EMC4: variants seen among roughly 807,000 people sequenced by gnomAD.
EMC4 encodes cell proliferation-inducing gene 17 protein.
EMC4 carries 9 observed loss-of-function variants against 24.2 expected under a neutral mutation model. That is an observed-to-expected ratio of 0.37 (90% CI 0.22 to 0.65). The LOEUF (loss-of-function observed/expected upper bound fraction) is 0.65. EMC4 is among the 30% of genes least tolerant of loss of function. The pLI, the probability that EMC4 is intolerant of heterozygous loss-of-function variation, is 0.59. For synonymous variants in EMC4, 86 were observed against 81.1 expected, an observed-to-expected ratio of 1.06 and a Z score of -0.32; for missense variants, 169 against 234.6, an observed-to-expected ratio of 0.72 and a Z score of 1.83.
In EMC4 at chr15:34,228,503, T is replaced by G; in HGVS notation, c.430T>G (p.Leu144Val). 1 of 1,614,116 alleles carries G rather than the reference T, an allele frequency of 6.2e-7. No individual in the cohort carries two copies. The highest frequency in any genetic ancestry group is 8.5e-7 in the Non-Finnish European group (1 of 1,180,020). Residue 144 changes from leucine (L) to valine (V), a missense_variant, in exon 4 of 5, where the codon TTG becomes GTG. Physicochemically the swap from Leu to Val is conservative, Grantham distance 32. Coordinates refer to ENST00000267750, the MANE Select transcript of EMC4 (RefSeq NM_016454.4). ...LVYLIGNLMG[L>V]ALAVYKCQSM... is the part of the protein sequence containing the mutation. ...CTATCTCATTGGGAACCTGATGGGT[T>G]TGGCATTGGCTGTTTACAAGTGCCA... is the stretch of plus-strand genomic sequence containing the variant.
chr15:34,227,233 A>C (rs1890671388), intron 2 of EMC4: 1 of 154,020 alleles, frequency 6.5e-6, no homozygotes, highest in Non-Finnish European at 1.4e-5. Context: ...AGTTGGGTTA[A>C]GTTTGTTAAT....
chr15:34,227,871 C>A (rs187201107), intron 3 of EMC4, 25 bp downstream of exon 3: 3 of 1,606,366 alleles, frequency 1.9e-6, no homozygotes, highest in Non-Finnish European at 2.6e-6. Flanking sequence ...AACAATAACC[C>A]TTCCATAAGT....
Position 34,229,866 on chromosome 15 carries a change from A to C in EMC4, c.*78A>C. Reference sequence around the variant, plus strand: ...TCTTTAAGCCCAGTGGCTCCTCAGCATACTCTTAAACTAATCACTTATGTT... The same window carrying C: ...TCTTTAAGCCCAGTGGCTCCTCAGCCTACTCTTAAACTAATCACTTATGTT... On this transcript the variant is annotated 3_prime_UTR_variant, in exon 5 of 5. Coordinates refer to ENST00000267750, the MANE Select transcript of EMC4 (RefSeq NM_016454.4). The C allele has an allele frequency of 7.5e-7, 1 of 1,341,700 alleles. No individual in the cohort carries two copies. The highest frequency in any genetic ancestry group is 1.1e-6 in the Non-Finnish European group (1 of 932,276). The allele number at this position is 1,341,700 out of a possible 1,614,324, so 83.1% of individuals were successfully genotyped here.
chr15:34,228,235 G>C (rs1890702117), intron 3 of EMC4, 194 bp from the exon 4 acceptor site: 1 of 590,238 alleles, frequency 1.7e-6, no homozygotes, highest in Non-Finnish European at 3.0e-6. Context: ...TTGGCTAACA[G>C]GTATATAGGG....
At position 34,225,180 on chromosome 15, in the gene EMC4, C is replaced by T. The variant is rs1890616854; in HGVS notation, c.66C>T (p.Ser22=). The T allele has an allele frequency of 9.0e-6, 14 of 1,551,060 alleles. No individual in the cohort carries two copies. The highest frequency in any genetic ancestry group is 1.2e-5 in the Non-Finnish European group (14 of 1,146,674). ...GRRFKWAIEL[S]GPGGGSRGRS... ...GCTTCAAGTGGGCCATTGAGCTAAG[C>T]GGGCCTGGAGGAGGCAGCAGGTGAG... Residue 22 remains serine, a synonymous_variant, in exon 1 of 5, where the codon AGC becomes AGT. Transcript: ENST00000267750.
At chr15:34,227,913 G>A in intron 3 of EMC4, 67 bp downstream of exon 3, 2 of 1,536,856 alleles carry the variant, frequency 1.3e-6, no homozygotes, top group Non-Finnish European at 8.9e-7. Context: ...GGGCATGGTG[G>A]CTCACGCCTG....
chr15:34,227,055 AAAATT>A (rs1277301756), intron 2 of EMC4: 1 of 152,206 alleles, frequency 6.6e-6, no homozygotes, highest in Non-Finnish European at 1.5e-5. Context: ...TAGTTACTAT[AAAATT>A]ATTTCTAGTT....
At position 34,229,906 on chromosome 15, in the gene EMC4, G is replaced by A. The variant is rs936931432; in HGVS notation, c.*118G>A. The A allele has an allele frequency of 4.1e-6, 4 of 965,826 alleles. No individual in the cohort carries two copies. The highest frequency in any genetic ancestry group is 1.9e-5 in the Admixed American group (1 of 51,682). The allele number at this position is 965,826 out of a possible 1,614,324, so 59.8% of individuals were successfully genotyped here. ...TCACTTATGTTAAAAAGAACCAAAA[G>A]ACTCTTTTCTCCATGGTGGGGTGAC... On this transcript the variant is annotated 3_prime_UTR_variant, in exon 5 of 5. Transcript: ENST00000267750.
rs1890610678 is a variant in EMC4 at position 34,225,038 on chromosome 15, C to T, written c.-77C>T. 8.2e-7 allele frequency: 1 copy of T among 1,221,338 alleles called. No individual in the cohort carries two copies. The highest frequency in any genetic ancestry group is 2.0e-5 in the Admixed American group (1 of 50,388). The allele number at this position is 1,221,338 out of a possible 1,614,324, so 75.7% of individuals were successfully genotyped here. ...AGTGCATTTGCAGAGTGAGACAAAG[C>T]GGAGAACGCTGGTGGGCCTGTTGTG... On this transcript the variant is annotated 5_prime_UTR_variant, in exon 1 of 5. Coordinates refer to ENST00000267750, the MANE Select transcript of EMC4 (RefSeq NM_016454.4).
intron 4 of EMC4, 29 bp downstream of exon 4, chr15:34,228,618 G>T (rs1251358045): frequency 6.3e-7 from 1 of 1,598,534 alleles, no homozygotes; most frequent in East Asian, 2.2e-5. Context: ...TGAATTTTGG[G>T]TAGTTGTAGT....
rs1288484560 is a variant in EMC4, at chr15:34,229,947, A to G, written c.*159A>G. 1 of 700,282 alleles carries G rather than the reference A, an allele frequency of 1.4e-6. No homozygotes were observed. Among genetic ancestry groups the G allele is most frequent in the Non-Finnish European group, 2.5e-6 (1 of 394,234 alleles). The allele number at this position is 700,282 out of a possible 1,614,324, so 43.4% of individuals were successfully genotyped here. ...GTGGGGTGACAGGTCCTAGAAGGACAATGTGCATATTACGACAAACACAAA... is the reference window on the plus strand; with the variant it reads ...GTGGGGTGACAGGTCCTAGAAGGACGATGTGCATATTACGACAAACACAAA... On this transcript the variant is annotated 3_prime_UTR_variant, in exon 5 of 5. Coordinates refer to ENST00000267750, the MANE Select transcript of EMC4 (RefSeq NM_016454.4).
Position 34,225,567 on chromosome 15 carries a change from G to GACTC in EMC4, c.119_122dup (p.Tyr43AlafsTer13). 2 of 1,614,194 alleles carry GACTC rather than the reference G, an allele frequency of 1.2e-6. No homozygotes were observed. The highest frequency in any genetic ancestry group is 2.2e-5 in the South Asian group (2 of 91,084). On this transcript the variant is annotated frameshift_variant, in exon 2 of 5. Transcript: ENST00000267750. LOFTEE classifies it high-confidence loss of function. ...AAGTGACCGGGGCAGTGGCCAGGGA[G>GACTC]ACTCGCTCTACCCAGTCGGTTACTT...
intron 4 of EMC4, chr15:34,229,495 G>A (rs1595384639): frequency 1.1e-5 from 4 of 372,830 alleles, no homozygotes; most frequent in African/African-American, 2.1e-5. Flanking sequence ...CCAATGGCTC[G>A]CTAATTTTTG....
intron 2 of EMC4, chr15:34,227,422 C>G (rs1890674323): frequency 6.4e-6 from 2 of 314,736 alleles, no homozygotes; most frequent in Non-Finnish European, 1.2e-5. Flanking sequence ...AGGACAAAAG[C>G]AGGGAGATCT....
In EMC4 at chr15:34,225,495, A is replaced by G. The variant is rs8040647; in HGVS notation, c.87-41A>G. ...GATCAGGAAATGTGGGATAAGAAGT[A>G]TCGGAGGTTGCAGCTTTAGTTTCTT... is the stretch of plus-strand genomic sequence containing the variant. On this transcript the variant is annotated intron_variant, in intron 1 of 4. Coordinates refer to ENST00000267750, the MANE Select transcript of EMC4 (RefSeq NM_016454.4). 4.4e-3 allele frequency: 6,289 copies of G among 1,421,740 alleles called. 205 individuals are homozygous for G. The African/African-American group carries it at 0.079, about 18-fold the overall frequency. The allele number at this position is 1,421,740 out of a possible 1,614,324, so 88.1% of individuals were successfully genotyped here.
At chr15:34,225,398 T>C in intron 1 of EMC4, 138 bp from the exon 2 acceptor site, 1 of 822,620 alleles carries the variant, frequency 1.2e-6, no homozygotes, top group Non-Finnish European at 2.0e-6. Context: ...GTCAAAGGAC[T>C]GAGGAACATA....
At position 34,225,057 on chromosome 15, in the gene EMC4, T is replaced by A; in HGVS notation, c.-58T>A. On this transcript the variant is annotated 5_prime_UTR_variant, in exon 1 of 5. Coordinates refer to ENST00000267750, the MANE Select transcript of EMC4 (RefSeq NM_016454.4). ...ACAAAGCGGAGAACGCTGGTGGGCC[T>A]GTTGTGGAGTACGCTTTGGACTGAG... 4 of 1,382,476 alleles carry A rather than the reference T, an allele frequency of 2.9e-6. No individual in the cohort carries two copies. Among genetic ancestry groups the A allele is most frequent in the Non-Finnish European group, 4.0e-6 (4 of 992,484 alleles). 85.6% of individuals were successfully genotyped at this position (1,382,476 alleles called of 1,614,324 possible). A position where few individuals can be genotyped will look rare whatever the true frequency, so the allele number is the denominator to read the frequency against.
intron 3 of EMC4, 169 bp from the exon 4 acceptor site, chr15:34,228,260 T>G: frequency 1.6e-6 from 1 of 641,066 alleles, no homozygotes. Flanking sequence ...GGGGTAATGG[T>G]GGTGGCATGG....
chr15:34,228,058 CTGT>C, intron 3 of EMC4: 1 of 490,922 alleles, frequency 2.0e-6, no homozygotes, highest in Non-Finnish European at 3.7e-6. Flanking sequence ...TGGCACACGC[CTGT>C]AATCCCAGCT....
Sources: gnomAD v4.1 joint callset for allele counts on GRCh38, gnomAD v4.1.1 for gene constraint, MANE v1.5 for transcripts, NCBI Gene and HGNC (gene_info 2026-07-23, HGNC 2026-07-21) for gene names.